The following CCDC170 variants were observed in gnomAD, a reference collection of about 807,000 sequenced individuals.
CCDC170 encodes the protein coiled-coil domain containing 170, also known as coiled-coil domain-containing protein 170.
Under a neutral mutation model 72.6 loss-of-function variants are expected in CCDC170, and 69 were observed. The observed-to-expected ratio is 0.95, with a 90% CI of 0.78 to 1.16. The LOEUF (loss-of-function observed/expected upper bound fraction) is 1.16. Ranked by LOEUF, CCDC170 falls within the 50% of genes most tolerant of loss-of-function variation. The probability of loss-of-function intolerance (pLI) is 0.00; values close to 1 mark genes in which losing one functional copy is unlikely to be tolerated. For synonymous variants in CCDC170, 300 were observed against 303.9 expected (o/e 0.99, Z 0.13); for missense variants, 852 against 832.5 (o/e 1.02, Z -0.29).
chr6:151,592,600 A>G (rs1268471639), intron 7 of CCDC170, among the ~76,000 whole-genome samples: 1 of 152,124 alleles, frequency 6.6e-6, no homozygotes, highest in Non-Finnish European at 1.5e-5. Context: ...CACTACCATG[A>G]GAACAGTATG....
At chr6:151,557,066 T>C (rs1350704938) in intron 5 of CCDC170, among the ~76,000 whole-genome samples, 1 of 152,138 alleles carries the variant, frequency 6.6e-6, no homozygotes, top group African/African-American at 2.4e-5. Context: ...CATGATTTCA[T>C]TTTTTAATGG....
chr6:151,505,601 G>A (rs1482908014), intron 1 of CCDC170, among the ~76,000 whole-genome samples: 1 of 151,882 alleles, frequency 6.6e-6, no homozygotes, highest in Non-Finnish European at 1.5e-5. Flanking sequence ...GGAGAATGGC[G>A]TGAACCCGGG....
chr6:151,552,933 C>A (rs9322324), intron 5 of CCDC170, among the ~76,000 whole-genome samples: 1 of 151,548 alleles, frequency 6.6e-6, no homozygotes, highest in African/African-American at 2.4e-5. Flanking sequence ...ATTACAGGCA[C>A]GTGCCACTAT....
rs1443552790 is a variant in CCDC170, at chr6:151,544,619, A to G, written c.491A>G (p.Asn164Ser). The G allele has an allele frequency of 6.2e-7, 1 of 1,613,672 alleles. No individual in the cohort carries two copies. The highest frequency in any genetic ancestry group is 1.1e-5 in the South Asian group (1 of 91,056). ...NEENKKQVSKNCRKHEEFLTQ... is the reference protein window; with the variant it reads ...NEENKKQVSKSCRKHEEFLTQ... ...GAGAATAAGAAACAAGTTTCAAAGA[A>G]TTGCAGGAAACATGAGGAATTTCTG... The change falls in exon 4 of 11, where the codon AAT becomes AGT. Residue 164 changes from asparagine (N) to serine (S), a missense_variant. Coordinates refer to ENST00000239374, the MANE Select transcript of CCDC170 (RefSeq NM_025059.4).
intron 9 of CCDC170, among the ~76,000 whole-genome samples, chr6:151,613,780 C>T (rs1194907526): frequency 2.0e-5 from 3 of 152,126 alleles, no homozygotes; most frequent in African/African-American, 4.8e-5. Flanking sequence ...TTGGTGATTA[C>T]GAATAATGCT....
At chr6:151,529,454 C>A (rs1433583480) in intron 1 of CCDC170, among the ~76,000 whole-genome samples, 1 of 152,046 alleles carries the variant, frequency 6.6e-6, no homozygotes, top group African/African-American at 2.4e-5. Context: ...GTCAAGAGAT[C>A]GAGACCAGCC....
intron 7 of CCDC170, among the ~76,000 whole-genome samples, chr6:151,589,982 G>T (rs747723696): frequency 3.9e-5 from 6 of 151,970 alleles, no homozygotes; most frequent in Admixed American, 2.0e-4. Flanking sequence ...GCACTCGTCT[G>T]GCGTCCTCCA....
At position 151,514,357 on chromosome 6, in the gene CCDC170, G is replaced by GAAGGGAAGA. The variant is rs1479452371; in HGVS notation, c.57+20173_57+20174insAGGGAAGAA. On this transcript the variant is annotated intron_variant, in intron 1 of 10. Transcript: ENST00000239374. ...GGAAGGAGGGAGGGAGGGAGGGAGG[G>GAAGGGAAGA]AGGGAGGGAGGGAGGGAGGAAGGAA... Among the ~76,000 whole-genome samples the GAAGGGAAGA allele has an allele frequency of 4.6e-3, 523 of 114,814 alleles. 23 individuals are homozygous for GAAGGGAAGA. The highest frequency in any genetic ancestry group is 0.021 in the African/African-American group (479 of 22,806). 75.3% of individuals were successfully genotyped at this position (114,814 alleles called of 152,430 possible).
intron 9 of CCDC170, among the ~76,000 whole-genome samples, chr6:151,613,460 C>T (rs1210109373): frequency 6.6e-6 from 1 of 152,150 alleles, no homozygotes. Flanking sequence ...CAAATGGCAC[C>T]ACTATCATAT....
At chr6:151,517,694 G>A (rs944220332) in intron 1 of CCDC170, among the ~76,000 whole-genome samples, 5 of 151,726 alleles carry the variant, frequency 3.3e-5, no homozygotes, top group African/African-American at 7.2e-5. Context: ...CACCCACCTC[G>A]GCCTCCCAAA....
At chr6:151,613,042 G>C (rs1409451659) in intron 9 of CCDC170, among the ~76,000 whole-genome samples, 1 of 152,060 alleles carries the variant, frequency 6.6e-6, no homozygotes, top group Non-Finnish European at 1.5e-5. Flanking sequence ...TCCTTTTAAA[G>C]AGCTTCCTTG....
At chr6:151,615,337 A>G in intron 9 of CCDC170, 106 bp from the exon 10 acceptor site, 1 of 805,896 alleles carries the variant, frequency 1.2e-6, no homozygotes, top group South Asian at 1.6e-5. Flanking sequence ...TTCTTTATTC[A>G]TAAAAAGGGT....
intron 1 of CCDC170, among the ~76,000 whole-genome samples, chr6:151,501,219 A>T (rs1781990229): frequency 6.6e-6 from 1 of 152,164 alleles, no homozygotes; most frequent in Non-Finnish European, 1.5e-5. Context: ...ATTCTACAAT[A>T]TGTTGACCAG....
At chr6:151,494,730 C>A (rs2859824) in intron 1 of CCDC170, among the ~76,000 whole-genome samples, 19,646 of 152,102 alleles carry the variant, frequency 0.13, 1,481 homozygotes, top group East Asian at 0.38. Flanking sequence ...CCAATGCGCG[C>A]GCGCACACAC....
At chr6:151,532,987 G>T (rs1782512682) in intron 1 of CCDC170, among the ~76,000 whole-genome samples, 1 of 151,780 alleles carries the variant, frequency 6.6e-6, no homozygotes, top group South Asian at 2.1e-4. Flanking sequence ...CAGGGCCCTT[G>T]CATGGCCTTT....
intron 3 of CCDC170, among the ~76,000 whole-genome samples, chr6:151,540,520 G>T (rs755967302): frequency 6.6e-6 from 1 of 151,122 alleles, no homozygotes; most frequent in South Asian, 2.1e-4. Flanking sequence ...CAAGTAGCTG[G>T]GATTATAGGT....
Position 151,597,623 on chromosome 6 carries a change from C to T in CCDC170, c.1710+1046C>T, listed in dbSNP as rs76131889. The stretch of plus-strand genomic sequence containing the variant: ...TTGTGCTCTGTAGGATACATCATTA[C>T]CAAGTCCAGTGGAGAAGGTCACCAG... On this transcript the variant is annotated intron_variant, in intron 9 of 10. Transcript: ENST00000239374. Among the ~76,000 whole-genome samples the T allele has an allele frequency of 2.2e-4, 33 of 152,272 alleles. 1 individual carries two copies. In the East Asian group the frequency reaches 6.4e-3, roughly 29 times the overall value.
chr6:151,576,476 C>T (rs1776306185), intron 6 of CCDC170, among the ~76,000 whole-genome samples: 1 of 151,650 alleles, frequency 6.6e-6, no homozygotes, highest in Non-Finnish European at 1.5e-5. Context: ...CTTAAAACTA[C>T]TTTAATCCCA....
At chr6:151,563,755 C>T (rs1776083733) in intron 5 of CCDC170, among the ~76,000 whole-genome samples, 1 of 152,120 alleles carries the variant, frequency 6.6e-6, no homozygotes, top group Non-Finnish European at 1.5e-5. Context: ...CAGAGGGGCT[C>T]ACCAGCAGTT....
Sources: gnomAD v4.1 joint callset for allele counts (sites outside exome capture counted in the v4.1 genomes callset) on GRCh38, gnomAD v4.1.1 for gene constraint, MANE v1.5 for transcripts, NCBI Gene and HGNC (gene_info 2026-07-23, HGNC 2026-07-21) for gene names.